The following ZMIZ1 variants were observed in gnomAD, a reference collection of about 807,000 sequenced individuals.
The protein encoded by ZMIZ1 is zinc finger MIZ domain-containing protein 1.
A neutral mutation model predicts 113.9 loss-of-function variants in ZMIZ1; 17 were observed. The observed-to-expected ratio is 0.15, with a 90% CI of 0.10 to 0.22. ZMIZ1 has a LOEUF of 0.22. Ranked by LOEUF, ZMIZ1 falls within the 10% of genes least tolerant of loss-of-function variation. The pLI is 1.00. For missense variants in ZMIZ1, 1,059 were observed against 1,477.8 expected (o/e 0.72, Z 4.65); for synonymous variants, 607 against 603.1 (o/e 1.01, Z -0.09).
At chr10:79,221,354 G>T (rs903939919) in intron 7 of ZMIZ1, among the ~76,000 whole-genome samples, 1 of 152,228 alleles carries the variant, frequency 6.6e-6, no homozygotes, top group Non-Finnish European at 1.5e-5. Context: ...CAGGCAGGCG[G>T]CTCCACGCGG....
chr10:79,179,903 C>T (rs1228509780), intron 4 of ZMIZ1, among the ~76,000 whole-genome samples: 4 of 152,194 alleles, frequency 2.6e-5, no homozygotes, highest in Non-Finnish European at 4.4e-5. Context: ...CAGGGACAAC[C>T]GCCACGCATG....
intron 7 of ZMIZ1, among the ~76,000 whole-genome samples, chr10:79,263,866 C>T (rs1851415720): frequency 1.3e-5 from 2 of 152,162 alleles, no homozygotes; most frequent in African/African-American, 2.4e-5. Flanking sequence ...AGCCTCACTC[C>T]AACCACTTCT....
intron 4 of ZMIZ1, among the ~76,000 whole-genome samples, chr10:79,164,427 AGTG>A (rs1251292107): frequency 2.3e-5 from 3 of 129,984 alleles, no homozygotes; most frequent in African/African-American, 9.5e-5. Flanking sequence ...TGAGTGAGTG[AGTG>A]AGTGAGTGAT....
At chr10:79,168,388 A>G (rs1316292636) in intron 4 of ZMIZ1, among the ~76,000 whole-genome samples, 1 of 151,778 alleles carries the variant, frequency 6.6e-6, no homozygotes, top group Non-Finnish European at 1.5e-5. Context: ...CAGGCACCCC[A>G]TGGCCTTTTT....
intron 8 of ZMIZ1, among the ~76,000 whole-genome samples, chr10:79,281,313 G>C (rs773540788): frequency 1.2e-4 from 18 of 152,216 alleles, no homozygotes; most frequent in Non-Finnish European, 2.2e-4. Flanking sequence ...GCAGGACTAG[G>C]GTTCATTGAC....
intron 1 of ZMIZ1, among the ~76,000 whole-genome samples, chr10:79,109,124 A>G (rs371932799): frequency 2.6e-5 from 4 of 152,170 alleles, no homozygotes; most frequent in South Asian, 2.1e-4. Flanking sequence ...CCATGTGCCT[A>G]TGTCCTCTGG....
At chr10:79,269,602 C>T (rs1030370197) in intron 7 of ZMIZ1, among the ~76,000 whole-genome samples, 1 of 152,122 alleles carries the variant, frequency 6.6e-6, no homozygotes, top group Non-Finnish European at 1.5e-5. Flanking sequence ...ATGACTCTCC[C>T]GCCCAGCCAT....
At chr10:79,218,207 C>T (rs1350983502) in intron 7 of ZMIZ1, among the ~76,000 whole-genome samples, 1 of 152,228 alleles carries the variant, frequency 6.6e-6, no homozygotes, top group African/African-American at 2.4e-5. Flanking sequence ...TGTGCAGTGG[C>T]TCACACCTGT....
At chr10:79,070,592 C>T (rs929517285) in intron 1 of ZMIZ1, among the ~76,000 whole-genome samples, 10 of 152,122 alleles carry the variant, frequency 6.6e-5, no homozygotes, top group East Asian at 1.9e-4. Context: ...CCAGCCCTAC[C>T]CCTCTACCTG....
intron 8 of ZMIZ1, among the ~76,000 whole-genome samples, chr10:79,283,944 C>T (rs1282032265): frequency 4.6e-5 from 7 of 152,178 alleles, no homozygotes; most frequent in South Asian, 2.1e-4. Flanking sequence ...CAGCCTTGCA[C>T]GGAGACGGGA....
In ZMIZ1 at chr10:79,315,220, G is replaced by T. The variant is rs1855457527; in HGVS notation, c.*2471G>T. 6.5e-6 allele frequency: 1 copy of T among 152,762 alleles called. No individual in the cohort carries two copies. The highest frequency in any genetic ancestry group is 6.5e-5 in the Admixed American group (1 of 15,288). 9.5% of individuals were successfully genotyped at this position (152,762 alleles called of 1,614,324 possible). A position where few individuals can be genotyped will look rare whatever the true frequency, so the allele number is the denominator to read the frequency against. On this transcript the variant is annotated 3_prime_UTR_variant, in exon 25 of 25. Transcript: ENST00000334512. The stretch of plus-strand genomic sequence containing the variant: ...TCCGGCTGGCTCTGAACCGTGCGTG[G>T]TGCCTACAGCCTGCAGTCTGGAGAC...
At chr10:79,293,158 C>T (rs1473153137) in intron 11 of ZMIZ1, among the ~76,000 whole-genome samples, 1 of 116,790 alleles carries the variant, frequency 8.6e-6, no homozygotes, top group Non-Finnish European at 1.7e-5. Flanking sequence ...TCCCCTAACA[C>T]CCCTGAGCTG....
intron 12 of ZMIZ1, chr10:79,293,860 C>T (rs1018686259): frequency 2.8e-5 from 21 of 740,780 alleles, no homozygotes; most frequent in Non-Finnish European, 4.7e-5. Flanking sequence ...GTCACCCTGC[C>T]TCCTAGGGCT....
At chr10:79,173,766 C>G (rs1177255463) in intron 4 of ZMIZ1, among the ~76,000 whole-genome samples, 1 of 152,166 alleles carries the variant, frequency 6.6e-6, no homozygotes, top group African/African-American at 2.4e-5. Context: ...TCATAGAAAT[C>G]TGTTTCAAGT....
chr10:79,099,209 A>G (rs1164634294), intron 1 of ZMIZ1, among the ~76,000 whole-genome samples: 2 of 152,024 alleles, frequency 1.3e-5, no homozygotes, highest in East Asian at 1.9e-4. Context: ...TGATGCAGCT[A>G]TCACTGTGGT....
Position 79,098,168 on chromosome 10 carries a change from TG to T in ZMIZ1, c.-336-20746del, listed in dbSNP as rs548578030. ...TGTGTGAGCTAGCCTGGAAGTGTCTTGCCAGGTAGACTAGGAGAAGAGACTA... is the reference window on the plus strand; with the variant it reads ...TGTGTGAGCTAGCCTGGAAGTGTCTTCCAGGTAGACTAGGAGAAGAGACTA... On this transcript the variant is annotated intron_variant, in intron 1 of 24. Transcript: ENST00000334512. Among the ~76,000 whole-genome samples, 78 of 152,260 alleles carry T rather than the reference TG, an allele frequency of 5.1e-4. No individual in the cohort carries two copies. In the Middle Eastern group the frequency reaches 0.017, roughly 33 times the overall value.
intron 19 of ZMIZ1, among the ~76,000 whole-genome samples, chr10:79,304,923 G>A (rs1854577129): frequency 6.6e-6 from 1 of 152,190 alleles, no homozygotes; most frequent in Non-Finnish European, 1.5e-5. Context: ...GCTTCTCAGA[G>A]GATGTAGGCA....
chr10:79,112,591 G>A (rs1364623254), intron 1 of ZMIZ1, among the ~76,000 whole-genome samples: 1 of 152,178 alleles, frequency 6.6e-6, no homozygotes, highest in Non-Finnish European at 1.5e-5. Flanking sequence ...GTACAGAGGA[G>A]GGGAGCAGAC....
intron 4 of ZMIZ1, among the ~76,000 whole-genome samples, chr10:79,198,176 GT>G (rs1304030884): frequency 5.9e-5 from 9 of 152,078 alleles, no homozygotes; most frequent in Non-Finnish European, 1.3e-4. Context: ...GGAGAATGGC[GT>G]GAACCCGGGA....
Sources: allele counts gnomAD v4.1 joint callset (sites outside exome capture counted in the v4.1 genomes callset), GRCh38; gene constraint gnomAD v4.1.1; transcripts MANE v1.5; gene names NCBI Gene and HGNC (gene_info 2026-07-23, HGNC 2026-07-21).